ZNF701: variants seen among roughly 807,000 people sequenced by gnomAD.
ZNF701 encodes the protein zinc finger protein 701.
In ZNF701, 6 loss-of-function variants were observed where a neutral mutation model predicts 7.1. The observed-to-expected ratio is 0.84, with a 90% confidence interval of 0.46 to 1.66. ZNF701 has a LOEUF of 1.66. Ranked by LOEUF, ZNF701 falls within the 40% of genes most tolerant of loss-of-function variation. The probability of loss-of-function intolerance (pLI) is 0.01; values close to 1 mark genes in which losing one functional copy is unlikely to be tolerated. For synonymous variants in ZNF701, 166 were observed against 188.2 expected (o/e 0.88, Z 0.97); for missense variants, 541 against 559.2 (o/e 0.97, Z 0.33).
intron 1 of ZNF701, 51 bp from the exon 2 acceptor site, chr19:52,574,026 G>A (rs968280205): frequency 8.9e-6 from 14 of 1,569,402 alleles, no homozygotes; most frequent in Non-Finnish European, 1.2e-5. Context: ...TGTGTTACAG[G>A]CAGGAGGTGT....
downstream of ZNF701, among the ~76,000 whole-genome samples, chr19:52,588,017 C>G (rs2060021821): frequency 2.0e-5 from 3 of 152,132 alleles, no homozygotes; most frequent in Admixed American, 6.5e-5. Flanking sequence ...GTGGACTTTT[C>G]CATCAGGGGA....
At chr19:52,578,574 C>A (rs1003631611) in intron 3 of ZNF701, among the ~76,000 whole-genome samples, 1 of 152,236 alleles carries the variant, frequency 6.6e-6, no homozygotes, top group African/African-American at 2.4e-5. Context: ...CTCATCTCCG[C>A]ATAAGAGAAC....
rs59503738 is a variant in ZNF701 at position 52,583,751 on chromosome 19, TACTC to T, written c.*297_*300del. 0.052 allele frequency: 35,541 copies of T among 689,616 alleles called. 3,717 individuals carry two copies. The highest frequency in any genetic ancestry group is 0.35 in the African/African-American group (19,466 of 56,168). The allele number at this position is 689,616 out of a possible 1,614,324, so 42.7% of individuals were successfully genotyped here. ...GAGCCTTTGGTGGTCAGTCAACACT[TACTC>T]ACCATCAAGCAATCCATGGTATAGG... On this transcript the variant is annotated 3_prime_UTR_variant, in exon 4 of 4. Coordinates refer to ENST00000391785, the MANE Select transcript of ZNF701 (RefSeq NM_018260.3).
chr19:52,570,623 G>C (rs1007403028), intron 1 of ZNF701: 1 of 152,246 alleles, frequency 6.6e-6, no homozygotes, highest in East Asian at 1.9e-4. Flanking sequence ...GCTTTTCAAA[G>C]TCCTCACCCG....
intron 3 of ZNF701, among the ~76,000 whole-genome samples, chr19:52,581,934 A>G (rs2059978034): frequency 6.6e-6 from 1 of 152,144 alleles, no homozygotes; most frequent in Non-Finnish European, 1.5e-5. Flanking sequence ...CACAGTAGAA[A>G]AACACTCCTG....
intron 1 of ZNF701, among the ~76,000 whole-genome samples, chr19:52,573,576 G>C (rs2059913790): frequency 1.3e-5 from 2 of 151,986 alleles, no homozygotes; most frequent in African/African-American, 4.8e-5. Context: ...TTTTCACCAT[G>C]GTGGCCAGGC....
Position 52,582,481 on chromosome 19 carries a change from G to C in ZNF701, c.422G>C (p.Gly141Ala), listed in dbSNP as rs1568505193. 4.3e-6 allele frequency: 7 copies of C among 1,614,156 alleles called. No homozygotes were observed. The highest frequency in any genetic ancestry group is 5.9e-6 in the Non-Finnish European group (7 of 1,180,038). The change falls in exon 4 of 4, where the codon GGA (glycine) becomes GCA (alanine). Residue 141 changes from glycine (G) to alanine (A), a missense_variant. Coordinates refer to ENST00000391785, the MANE Select transcript of ZNF701 (RefSeq NM_018260.3). ...AGNKPIKNEL[G>A]SSFHSHLPEV... is the part of the protein sequence containing the mutation. The stretch of plus-strand genomic sequence containing the variant: ...AACAAACCTATTAAAAATGAGCTTG[G>C]ATCAAGCTTTCATTCGCATCTGCCT...
chr19:52,590,169 C>T (rs1471527150), downstream of ZNF701, among the ~76,000 whole-genome samples: 2 of 150,800 alleles, frequency 1.3e-5, no homozygotes, highest in Non-Finnish European at 2.9e-5. Context: ...GGGGCGATCT[C>T]AGCTCACTGC....
chr19:52,571,150 T>C (rs1426757557), intron 1 of ZNF701, among the ~76,000 whole-genome samples: 1 of 142,972 alleles, frequency 7.0e-6, no homozygotes, highest in Non-Finnish European at 1.5e-5. Flanking sequence ...ACTGGAGAAA[T>C]GTAGAGAAAA....
In ZNF701 at chr19:52,579,120, T is replaced by G. The variant is rs117303925; in HGVS notation, c.143-3082T>G. On this transcript the variant is annotated intron_variant, in intron 3 of 3. Coordinates refer to ENST00000391785, the MANE Select transcript of ZNF701 (RefSeq NM_018260.3). ...ATAAAAAGGCATGAAAAAAACACTG[T>G]ACATATATGTTACCAGAAATGCAAC... 1.5e-3 allele frequency among the ~76,000 whole-genome samples: 222 copies of G among 143,916 alleles called. 13 individuals carry two copies. In the East Asian group the frequency reaches 0.033, roughly 21 times the overall value. The allele number at this position is 143,916 out of a possible 152,430, so 94.4% of individuals were successfully genotyped here.
At chr19:52,572,404 A>G (rs1199114597) in intron 1 of ZNF701, 5 of 1,285,314 alleles carry the variant, frequency 3.9e-6, no homozygotes, top group Non-Finnish European at 5.1e-6. Context: ...TGCATTTTAT[A>G]AATGTTACTG....
At chr19:52,593,316 T>C in the ZNF701 span, among the ~76,000 whole-genome samples, 5 of 117,448 alleles carry the variant, frequency 4.3e-5, 2 homozygotes, top group African/African-American at 6.6e-5. Context: ...GACAGGGTGG[T>C]GGCTGGGCAG....
chr19:52,583,267 T>C lies in ZNF701; in HGVS notation c.1208T>C (p.Ile403Thr). The C allele has an allele frequency of 6.2e-7, 1 of 1,609,900 alleles. No homozygotes were observed. The highest frequency in any genetic ancestry group is 1.1e-5 in the South Asian group (1 of 90,936). Residue 403 changes from isoleucine to threonine, a missense_variant, in exon 4 of 4, where the codon ATT becomes ACT. Physicochemically the swap from Ile to Thr is moderately conservative, Grantham distance 89. Coordinates refer to ENST00000391785, the MANE Select transcript of ZNF701 (RefSeq NM_018260.3). ...QNSSLVMHKV[I>T]HTGEKRYKCN... ...TCATCTCTTGTAATGCATAAGGTCA[T>C]TCATACTGGAGAGAAACGTTACAAG...
chr19:52,597,845 G>C, the ZNF701 span: 4 of 174,804 alleles, frequency 2.3e-5, no homozygotes, highest in African/African-American at 9.6e-5. Flanking sequence ...CTGGACCCCA[G>C]GTGTCGTCTG....
rs1302594030 is a variant in ZNF701 at position 52,582,118 on chromosome 19, T to TG, written c.143-83dup. 2.5e-6 allele frequency: 3 copies of TG among 1,223,508 alleles called. No homozygotes were observed. In the East Asian group the frequency reaches 7.7e-5, roughly 31 times the overall value. The allele number at this position is 1,223,508 out of a possible 1,614,324, so 75.8% of individuals were successfully genotyped here. Reference sequence around the variant, plus strand: ...TGTTTGGGAAGTTTAAAATAAGTATTGTTTTTTATGTAATATTTACACATT... The same window carrying TG: ...TGTTTGGGAAGTTTAAAATAAGTATTGGTTTTTTATGTAATATTTACACATT... On this transcript the variant is annotated intron_variant, in intron 3 of 3. Coordinates refer to ENST00000391785, the MANE Select transcript of ZNF701 (RefSeq NM_018260.3).
chr19:52,582,118 TG>T (rs1337614779), intron 3 of ZNF701, 83 bp from the exon 4 acceptor site: 45 of 1,223,506 alleles, frequency 3.7e-5, no homozygotes, highest in Non-Finnish European at 4.8e-5. Context: ...AAATAAGTAT[TG>T]TTTTTTATGT....
chr19:52,598,771 G>A, the ZNF701 span: 1 of 152,282 alleles, frequency 6.6e-6, no homozygotes, highest in African/African-American at 2.4e-5. Flanking sequence ...ACAGCCAGGT[G>A]TGTTAGTCCA....
At chr19:52,579,831 A>T (rs575050258) in intron 3 of ZNF701, among the ~76,000 whole-genome samples, 2 of 139,940 alleles carry the variant, frequency 1.4e-5, no homozygotes, top group African/African-American at 6.3e-5. Flanking sequence ...CTGAGATCGC[A>T]CCGTCGCACT....
chr19:52,590,760 C>T (rs1220112733), downstream of ZNF701, among the ~76,000 whole-genome samples: 2 of 152,128 alleles, frequency 1.3e-5, no homozygotes, highest in East Asian at 3.9e-4. Flanking sequence ...TGCTTATAAT[C>T]TCCTAACTGA....
Sources: allele counts gnomAD v4.1 joint callset (sites outside exome capture counted in the v4.1 genomes callset), GRCh38; gene constraint gnomAD v4.1.1; transcripts MANE v1.5; gene names NCBI Gene and HGNC (gene_info 2026-07-23, HGNC 2026-07-21).